The following ZNHIT6 variants were observed in gnomAD, a reference collection of about 807,000 sequenced individuals.
ZNHIT6 encodes the protein zinc finger HIT-type containing 6.
In ZNHIT6, 45 loss-of-function variants were observed where a neutral mutation model predicts 57.2. The ratio of observed to expected loss-of-function variants is 0.79; its 90% CI spans 0.62 to 1.01. The LOEUF (loss-of-function observed/expected upper bound fraction) is 1.01, where lower values mean the gene tolerates loss of function less well. Ranked by LOEUF, ZNHIT6 falls within the 50% of genes least tolerant of loss-of-function variation. ZNHIT6 has a pLI of 0.00. For synonymous variants in ZNHIT6, 188 were observed against 190.0 expected (o/e 0.99, Z 0.09); for missense variants, 528 against 567.3 (o/e 0.93, Z 0.70).
At chr1:85,670,100 C>T (rs1408119967) in intron 8 of ZNHIT6, among the ~76,000 whole-genome samples, 1 of 151,856 alleles carries the variant, frequency 6.6e-6, no homozygotes, top group African/African-American at 2.4e-5. Flanking sequence ...AGAATTGAAG[C>T]CCCCAACTGT....
chr1:85,661,152 T>C (rs1037026041), intron 8 of ZNHIT6, among the ~76,000 whole-genome samples: 2 of 152,216 alleles, frequency 1.3e-5, no homozygotes, highest in Non-Finnish European at 2.9e-5. Context: ...AAAGAAAGCC[T>C]ATCAGACACA....
At chr1:85,678,831 T>C in intron 6 of ZNHIT6, 50 bp from the exon 7 acceptor site, 1 of 1,037,436 alleles carries the variant, frequency 9.6e-7, no homozygotes, top group South Asian at 1.8e-5. Context: ...TATAATTTTC[T>C]ACTAAAGGTG....
chr1:85,695,803 G>C (rs1294754066), intron 5 of ZNHIT6, among the ~76,000 whole-genome samples: 1 of 152,224 alleles, frequency 6.6e-6, no homozygotes, highest in East Asian at 1.9e-4. Context: ...TTGGGAGGCC[G>C]AGGCGGGCGG....
chr1:85,665,413 C>T (rs1476188829), intron 8 of ZNHIT6, among the ~76,000 whole-genome samples: 2 of 152,010 alleles, frequency 1.3e-5, no homozygotes, highest in Non-Finnish European at 2.9e-5. Flanking sequence ...CAGGTGTGAG[C>T]CACTGTGCCG....
At position 85,677,390 on chromosome 1, in the gene ZNHIT6, T is replaced by C. The variant is rs1156351042; in HGVS notation, c.1170-77A>G. On this transcript the variant is annotated intron_variant, in intron 7 of 9. Transcript: ENST00000370574. ...AGATAGTCTTATGGAGACTAAGCAT[T>C]TGTACCTAATAATACTTAAAAGTTC... The C allele has an allele frequency of 6.3e-6, 7 of 1,114,090 alleles. 1 individual carries two copies. The South Asian group carries it at 7.0e-5, about 11-fold the overall frequency. The allele number at this position is 1,114,090 out of a possible 1,614,324, so 69.0% of individuals were successfully genotyped here.
At chr1:85,675,075 A>G (rs1288294506) in intron 8 of ZNHIT6, among the ~76,000 whole-genome samples, 1 of 152,174 alleles carries the variant, frequency 6.6e-6, no homozygotes, top group African/African-American at 2.4e-5. Context: ...GAGCTGCAGT[A>G]ATGCCCGTAA....
intron 8 of ZNHIT6, among the ~76,000 whole-genome samples, chr1:85,674,462 C>T (rs1219666821): frequency 6.6e-6 from 1 of 152,092 alleles, no homozygotes; most frequent in African/African-American, 2.4e-5. Flanking sequence ...TCAAATCAGT[C>T]TATTCTAGGT....
At chr1:85,664,189 G>T (rs1409091146) in intron 8 of ZNHIT6, among the ~76,000 whole-genome samples, 1 of 152,150 alleles carries the variant, frequency 6.6e-6, no homozygotes, top group Non-Finnish European at 1.5e-5. Flanking sequence ...GGATGCCAAT[G>T]ATTCGTAGAT....
intron 5 of ZNHIT6, among the ~76,000 whole-genome samples, chr1:85,684,781 TAAGGA>T (rs1243759896): frequency 6.6e-6 from 1 of 152,172 alleles, no homozygotes; most frequent in African/African-American, 2.4e-5. Flanking sequence ...CACACACATT[TAAGGA>T]AAGAGGTTCT....
intron 5 of ZNHIT6, among the ~76,000 whole-genome samples, chr1:85,683,779 C>G (rs550549412): frequency 5.9e-5 from 9 of 152,256 alleles, no homozygotes; most frequent in African/African-American, 2.2e-4. Flanking sequence ...AGTACAATCA[C>G]TAAGACAGAG....
chr1:85,680,876 G>T lies in ZNHIT6; in HGVS notation c.1048C>A (p.Leu350Ile), dbSNP rs753670851. The change falls in exon 6 of 10, where the codon CTC becomes ATC. Residue 350 changes from leucine (L) to isoleucine (I), a missense_variant. Transcript: ENST00000370574. ...KKQQFCWHVK[L>I]QFPQSQAEYI... is the part of the protein sequence containing the mutation. The stretch of plus-strand genomic sequence containing the variant: ...TCAGCTTGACTTTGAGGAAACTGGA[G>T]CTTCACATGCCAACAAAACTGTTGT... 4.3e-6 allele frequency: 7 copies of T among 1,612,684 alleles called. No homozygotes were observed. The South Asian group carries it at 6.6e-5, about 15-fold the overall frequency.
At chr1:85,684,861 A>C (rs1661980538) in intron 5 of ZNHIT6, among the ~76,000 whole-genome samples, 1 of 152,246 alleles carries the variant, frequency 6.6e-6, no homozygotes, top group Non-Finnish European at 1.5e-5. Context: ...CGTATGGGGA[A>C]TACTACCACA....
At position 85,650,218 on chromosome 1, in the gene ZNHIT6, G is replaced by A. The variant is rs946053347; in HGVS notation, c.*3840C>T. The A allele has an allele frequency of 6.6e-6, 1 of 152,180 alleles. No homozygotes were observed. Among genetic ancestry groups the A allele is most frequent in the African/African-American group, 2.4e-5 (1 of 41,430 alleles). The allele number at this position is 152,180 out of a possible 1,614,324, so 9.4% of individuals were successfully genotyped here. ...ATTTTACATAGCTTGCTTTATAAAAGCTTTCAGCCTTGTTATGCTAAGGTA... is the reference window on the plus strand; with the variant it reads ...ATTTTACATAGCTTGCTTTATAAAAACTTTCAGCCTTGTTATGCTAAGGTA... On this transcript the variant is annotated 3_prime_UTR_variant, in exon 10 of 10. Transcript: ENST00000370574.
chr1:85,691,886 A>G (rs1048410552), intron 5 of ZNHIT6, among the ~76,000 whole-genome samples: 2 of 152,126 alleles, frequency 1.3e-5, no homozygotes, highest in Non-Finnish European at 2.9e-5. Flanking sequence ...CTCTGTCTCA[A>G]CGCCGGGTAT....
At chr1:85,682,941 G>A (rs944987502) in intron 5 of ZNHIT6, among the ~76,000 whole-genome samples, 4 of 152,180 alleles carry the variant, frequency 2.6e-5, no homozygotes, top group East Asian at 3.9e-4. Context: ...GGGGATGGGC[G>A]CAGTGGCTAA....
At chr1:85,694,303 A>AT (rs1299231764) in intron 5 of ZNHIT6, among the ~76,000 whole-genome samples, 1 of 152,252 alleles carries the variant, frequency 6.6e-6, no homozygotes, top group Non-Finnish European at 1.5e-5. Flanking sequence ...CAGTAGAGGG[A>AT]TGCCTGCATT....
At chr1:85,700,885 C>T (rs1187176130) in intron 5 of ZNHIT6, among the ~76,000 whole-genome samples, 1 of 152,130 alleles carries the variant, frequency 6.6e-6, no homozygotes, top group Non-Finnish European at 1.5e-5. Context: ...TGGCTCACTG[C>T]AACCTCCGCC....
chr1:85,683,680 T>A (rs747486191), intron 5 of ZNHIT6, among the ~76,000 whole-genome samples: 2 of 152,122 alleles, frequency 1.3e-5, no homozygotes, highest in African/African-American at 2.4e-5. Context: ...TAATTATATA[T>A]ACAAATATAT....
intron 8 of ZNHIT6, among the ~76,000 whole-genome samples, chr1:85,676,225 A>G (rs970800239): frequency 5.3e-5 from 8 of 151,672 alleles, no homozygotes; most frequent in African/African-American, 1.7e-4. Flanking sequence ...AATCCCAGCT[A>G]CTCAAGAGAC....
Sources: gnomAD v4.1 joint callset for allele counts (sites outside exome capture counted in the v4.1 genomes callset) on GRCh38, gnomAD v4.1.1 for gene constraint, MANE v1.5 for transcripts, NCBI Gene and HGNC (gene_info 2026-07-23, HGNC 2026-07-21) for gene names.